The following TNFSF12 variants were observed in gnomAD, a reference collection of about 807,000 sequenced individuals.
TNFSF12 encodes TNF superfamily member 12.
In TNFSF12, 16 loss-of-function variants were observed where a neutral mutation model predicts 31.2. The ratio of observed to expected loss-of-function variants is 0.51; its 90% CI spans 0.35 to 0.78. TNFSF12 has a LOEUF of 0.78. Ranked by LOEUF, TNFSF12 falls within the 30% of genes least tolerant of loss-of-function variation. The pLI is 0.01. For synonymous variants in TNFSF12, 150 were observed against 151.4 expected (o/e 0.99, Z 0.07); for missense variants, 324 against 338.8 (o/e 0.96, Z 0.34).
In TNFSF12 at chr17:7,553,023, C is replaced by CTTTTTTTTT. The variant is rs71159509; in HGVS notation, c.373+2076_373+2084dup. 2.0e-4 allele frequency among the ~76,000 whole-genome samples: 13 copies of CTTTTTTTTT among 66,100 alleles called. 1 individual carries two copies. The highest frequency in any genetic ancestry group is 5.7e-4 in the Admixed American group (3 of 5,236). 43.4% of individuals were successfully genotyped at this position (66,100 alleles called of 152,430 possible). The stretch of plus-strand genomic sequence containing the variant: ...ATAAGGAACTGGAGGCAGGGACAAC[C>CTTTTTTTTT]TTTTTTTTTTTTTTTTTTTTTTTTT... On this transcript the variant is annotated intron_variant, in intron 5 of 6. Coordinates refer to ENST00000293825, the MANE Select transcript of TNFSF12 (RefSeq NM_003809.3).
At chr17:7,554,952 G>C (rs1176244117) in intron 5 of TNFSF12, among the ~76,000 whole-genome samples, 1 of 152,008 alleles carries the variant, frequency 6.6e-6, no homozygotes, top group East Asian at 1.9e-4. Context: ...GTCTAGGAGA[G>C]GAAACAAGCA....
chr17:7,556,381 T>C (rs1192533958), intron 5 of TNFSF12, among the ~76,000 whole-genome samples: 1 of 152,238 alleles, frequency 6.6e-6, no homozygotes, highest in African/African-American at 2.4e-5. Context: ...GACATTTTGT[T>C]GATGGACAAT....
In TNFSF12 at chr17:7,549,065, C is replaced by A. The variant is rs542698442; in HGVS notation, c.-89C>A. ...CGTTTCCCTTGCCCCTCCCTCTCCC[C>A]GGCCCGATCCGCCCGCCGGCTCCCC... On this transcript the variant is annotated 5_prime_UTR_variant, in exon 1 of 7. Coordinates refer to ENST00000293825, the MANE Select transcript of TNFSF12 (RefSeq NM_003809.3). This position sits in a 1 kb window ranked among gnomAD's most constrained non-coding sequence, Gnocchi z 4.1. 2.0e-5 allele frequency: 24 copies of A among 1,172,088 alleles called. No individual in the cohort carries two copies. In the African/African-American group the frequency reaches 3.7e-4, roughly 18 times the overall value. The allele number at this position is 1,172,088 out of a possible 1,614,324, so 72.6% of individuals were successfully genotyped here.
At chr17:7,552,455 G>A (rs2071011145) in intron 5 of TNFSF12, among the ~76,000 whole-genome samples, 1 of 151,554 alleles carries the variant, frequency 6.6e-6, no homozygotes, top group Non-Finnish European at 1.5e-5. Context: ...AGCCTCCCAA[G>A]TAGCTGAGAT....
Position 7,549,202 on chromosome 17 carries a change from G to A in TNFSF12, c.49G>A (p.Gly17Ser). Residue 17 changes from glycine to serine, a missense_variant, in exon 1 of 7, where the codon GGC becomes AGC. Physicochemically the swap from Gly to Ser is moderately conservative, Grantham distance 56 (BLOSUM62 0). Transcript: ENST00000293825. This position sits in a 1 kb window ranked among gnomAD's most constrained non-coding sequence, Gnocchi z 4.1. ...QRRRGRRGEP[G>S]TALLVPLALG... Reference sequence around the variant, plus strand: ...GCGGAGGGGGCGCCGGGGGGAGCCGGGCACCGCCCTGCTGGTCCCGCTCGC... The same window carrying A: ...GCGGAGGGGGCGCCGGGGGGAGCCGAGCACCGCCCTGCTGGTCCCGCTCGC... 1 of 1,319,830 alleles carries A rather than the reference G, an allele frequency of 7.6e-7. No individual in the cohort carries two copies. Among genetic ancestry groups the A allele is most frequent in the Non-Finnish European group, 9.6e-7 (1 of 1,038,894 alleles). The allele number at this position is 1,319,830 out of a possible 1,614,324, so 81.8% of individuals were successfully genotyped here.
At position 7,550,146 on chromosome 17, in the gene TNFSF12, C is replaced by T. The variant is rs1413182898; in HGVS notation, c.234C>T (p.Ser78=). ...PSELNPQTEE[S]QDPAPFLNRL... The stretch of plus-strand genomic sequence containing the variant: ...AACTGAATCCCCAGACAGAAGAAAG[C>T]CAGGATCCTGCGCCTTTCCTGAACC... Residue 78 remains serine, a synonymous_variant, in exon 3 of 7, where the codon AGC becomes AGT. Transcript: ENST00000293825. The surrounding 1 kb of genome is among the most constrained non-coding windows in gnomAD (Gnocchi z 4.4). 3 of 1,613,978 alleles carry T rather than the reference C, an allele frequency of 1.9e-6. No homozygotes were observed. Among genetic ancestry groups the T allele is most frequent in the Middle Eastern group, 1.6e-4 (1 of 6,084 alleles).
Position 7,557,298 on chromosome 17 carries a change from A to C in TNFSF12, c.698A>C (p.His233Pro). The C allele has an allele frequency of 6.2e-7, 1 of 1,612,874 alleles. No homozygotes were observed. The highest frequency in any genetic ancestry group is 8.5e-7 in the Non-Finnish European group (1 of 1,179,378). ...CGGATCCGCACCCTCCCCTGGGCCC[A>C]TCTCAAGGCTGCCCCCTTCCTCACC... ...SLRIRTLPWA[H>P]LKAAPFLTYF... Residue 233 changes from histidine to proline, a missense_variant, in exon 7 of 7, where the codon CAT becomes CCT. Physicochemically the swap from His to Pro is moderately conservative, Grantham distance 77. Transcript: ENST00000293825. The surrounding 1 kb of genome is among the most constrained non-coding windows in gnomAD (Gnocchi z 5.2).
rs1403508859 is a variant in TNFSF12 at position 7,549,772 on chromosome 17, A to T, written c.207+251A>T. The T allele has an allele frequency of 4.8e-6, 3 of 627,112 alleles. No homozygotes were observed. In the African/African-American group the frequency reaches 5.5e-5, roughly 12 times the overall value. The allele number at this position is 627,112 out of a possible 1,614,324, so 38.8% of individuals were successfully genotyped here. On this transcript the variant is annotated intron_variant, in intron 2 of 6. Coordinates refer to ENST00000293825, the MANE Select transcript of TNFSF12 (RefSeq NM_003809.3). The surrounding 1 kb of genome is among the most constrained non-coding windows in gnomAD (Gnocchi z 4.1). ...TGGCTGGGGGTGACGTGGTTGTATA[A>T]GATATGTGAGTCTGCGTGGAAGAGG...
chr17:7,550,418 G>C lies in TNFSF12; in HGVS notation c.283+223G>C, dbSNP rs547305336. 1.1e-4 allele frequency among the ~76,000 whole-genome samples: 17 copies of C among 152,306 alleles called. No individual in the cohort carries two copies. Among genetic ancestry groups the C allele is most frequent in the African/African-American group, 3.9e-4 (16 of 41,550 alleles). On this transcript the variant is annotated intron_variant, in intron 3 of 6. Transcript: ENST00000293825. The surrounding 1 kb of genome is among the most constrained non-coding windows in gnomAD (Gnocchi z 4.4). The stretch of plus-strand genomic sequence containing the variant: ...AGGAAGGCAGGGTGGCCATGAGTTA[G>C]AAGAACTACTGGGATCCTGATGGAG...
intron 5 of TNFSF12, among the ~76,000 whole-genome samples, chr17:7,552,544 G>A (rs1172524124): frequency 1.3e-5 from 2 of 152,012 alleles, no homozygotes; most frequent in African/African-American, 4.8e-5. Flanking sequence ...GGCCAGGCTG[G>A]TCTTGAACTC....
In TNFSF12 at chr17:7,556,554, G is replaced by T. The variant is rs553883208; in HGVS notation, c.374-224G>T. Among the ~76,000 whole-genome samples the T allele has an allele frequency of 2.0e-5, 3 of 152,320 alleles. No homozygotes were observed. The South Asian group carries it at 6.2e-4, about 32-fold the overall frequency. On this transcript the variant is annotated intron_variant, in intron 5 of 6. Transcript: ENST00000293825. Reference sequence around the variant, plus strand: ...CTTCTCCCCAGAAGTGACTGCAGGTGACAATCTGCCCTGAATGTCTCTGGC... The same window carrying T: ...CTTCTCCCCAGAAGTGACTGCAGGTTACAATCTGCCCTGAATGTCTCTGGC...
At position 7,549,881 on chromosome 17, in the gene TNFSF12, G is replaced by A. The variant is rs1366153901; in HGVS notation, c.208-239G>A. On this transcript the variant is annotated intron_variant, in intron 2 of 6. Transcript: ENST00000293825. This position sits in a 1 kb window ranked among gnomAD's most constrained non-coding sequence, Gnocchi z 4.1. ...GTGCAATGTGCCAATTGAATGCAGG[G>A]TCTGCGTTGGTTGTGTGTGTGGGTG... is the stretch of plus-strand genomic sequence containing the variant. 1.6e-6 allele frequency: 1 copy of A among 627,432 alleles called. No homozygotes were observed. Among genetic ancestry groups the A allele is most frequent in the Admixed American group, 2.9e-5 (1 of 34,196 alleles). The allele number at this position is 627,432 out of a possible 1,614,324, so 38.9% of individuals were successfully genotyped here.
At chr17:7,555,251 G>T (rs974878840) in intron 5 of TNFSF12, among the ~76,000 whole-genome samples, 2 of 152,132 alleles carry the variant, frequency 1.3e-5, no homozygotes, top group Non-Finnish European at 2.9e-5. Flanking sequence ...TGGAGTCAGG[G>T]ATTCTCTCCC....
intron 5 of TNFSF12, among the ~76,000 whole-genome samples, chr17:7,554,388 A>C (rs1356419403): frequency 3.0e-5 from 4 of 132,232 alleles, no homozygotes; most frequent in African/African-American, 1.2e-4. Flanking sequence ...ATCTCGGCTT[A>C]CTGCAAGCTC....
intron 5 of TNFSF12, among the ~76,000 whole-genome samples, chr17:7,552,287 T>C (rs113165505): frequency 4.4e-4 from 67 of 151,464 alleles, no homozygotes; most frequent in African/African-American, 1.5e-3. Context: ...TTAGGCTAGG[T>C]CAGGACGGAT....
rs1263953195 is a variant in TNFSF12, at chr17:7,550,727, T to C, written c.284-72T>C. On this transcript the variant is annotated intron_variant, in intron 3 of 6. Coordinates refer to ENST00000293825, the MANE Select transcript of TNFSF12 (RefSeq NM_003809.3). The surrounding 1 kb of genome is among the most constrained non-coding windows in gnomAD (Gnocchi z 4.4). ...GATGCCAGGGTTCCTGAGAGGGGAA[T>C]GGGGCTGGGAGAGTTGCTCTGGGAC... 9.6e-6 allele frequency: 15 copies of C among 1,567,200 alleles called. No homozygotes were observed. Among genetic ancestry groups the C allele is most frequent in the Non-Finnish European group, 1.2e-5 (14 of 1,148,670 alleles).
intron 5 of TNFSF12, among the ~76,000 whole-genome samples, chr17:7,551,807 T>A (rs887939326): frequency 3.3e-5 from 5 of 152,184 alleles, no homozygotes; most frequent in South Asian, 2.1e-4. Context: ...TTATTTTTTT[T>A]AAGACAGTCT....
chr17:7,557,572 G>C lies in TNFSF12; in HGVS notation c.*222G>C, dbSNP rs1396217617. ...CCACCGCCCACTCTCCACCTCACTA[G>C]CTCCCCAATCCCTGACCCTTTGAGG... On this transcript the variant is annotated 3_prime_UTR_variant, in exon 7 of 7. Transcript: ENST00000293825. This position sits in a 1 kb window ranked among gnomAD's most constrained non-coding sequence, Gnocchi z 5.2. The C allele has an allele frequency of 6.3e-6, 4 of 631,606 alleles. No individual in the cohort carries two copies. In the African/African-American group the frequency reaches 7.4e-5, roughly 12 times the overall value. The allele number at this position is 631,606 out of a possible 1,614,324, so 39.1% of individuals were successfully genotyped here. A position where few individuals can be genotyped will look rare whatever the true frequency, so the allele number is the denominator to read the frequency against.
chr17:7,552,556 T>G (rs2071012264), intron 5 of TNFSF12, among the ~76,000 whole-genome samples: 1 of 152,084 alleles, frequency 6.6e-6, no homozygotes, highest in Non-Finnish European at 1.5e-5. Context: ...CTTGAACTCC[T>G]GATCTCAGGT....
Sources: allele counts gnomAD v4.1 joint callset (sites outside exome capture counted in the v4.1 genomes callset), GRCh38; gene constraint gnomAD v4.1.1; non-coding constraint Gnocchi (gnomAD v3.1); transcripts MANE v1.5; gene names NCBI Gene and HGNC (gene_info 2026-07-23, HGNC 2026-07-21).